The following PTPRD variants were observed in gnomAD, a reference collection of about 807,000 sequenced individuals.
PTPRD encodes receptor-type tyrosine-protein phosphatase delta.
In PTPRD, 34 loss-of-function variants were observed where a neutral mutation model predicts 214.5. The ratio of observed to expected loss-of-function variants is 0.16; its 90% confidence interval spans 0.12 to 0.21. The LOEUF (loss-of-function observed/expected upper bound fraction) is 0.21, where lower values mean the gene tolerates loss of function less well. PTPRD is among the 10% of genes least tolerant of loss of function. The pLI, the probability that PTPRD is intolerant of heterozygous loss-of-function variation, is 1.00. For missense variants in PTPRD, 2,545 were observed against 2,398.7 expected (o/e 1.06, Z -1.27); for synonymous variants, 1,128 against 845.7 (o/e 1.33, Z -5.79).
chr9:10,093,560 A>T (rs2098453662), intron 3 of PTPRD, among the ~76,000 whole-genome samples: 1 of 151,546 alleles, frequency 6.6e-6, no homozygotes, highest in South Asian at 2.1e-4. Context: ...AGAACTTAAA[A>T]GTACTTTTTG....
chr9:10,273,353 G>T (rs1372073537), intron 3 of PTPRD, among the ~76,000 whole-genome samples: 5 of 151,996 alleles, frequency 3.3e-5, no homozygotes, highest in Admixed American at 6.6e-5. Flanking sequence ...ATATTGTGAA[G>T]AATATATTTT....
intron 19 of PTPRD, among the ~76,000 whole-genome samples, chr9:8,522,938 C>T (rs932786579): frequency 9.9e-5 from 15 of 152,032 alleles, no homozygotes; most frequent in African/African-American, 3.6e-4. Context: ...CTCTTAAGGT[C>T]GAGATAAACC....
intron 10 of PTPRD, among the ~76,000 whole-genome samples, chr9:9,154,672 CGTT>C (rs1387904805): frequency 1.3e-5 from 2 of 152,142 alleles, no homozygotes; most frequent in Non-Finnish European, 2.9e-5. Flanking sequence ...ACTGATATAT[CGTT>C]GTTACTAAAG....
intron 9 of PTPRD, among the ~76,000 whole-genome samples, chr9:9,355,524 G>T (rs374388226): frequency 4.6e-5 from 7 of 151,632 alleles, no homozygotes; most frequent in African/African-American, 1.7e-4. Flanking sequence ...CTGAACACAA[G>T]GAGTTGCTAT....
chr9:8,988,344 A>G (rs994048169), intron 11 of PTPRD, among the ~76,000 whole-genome samples: 3 of 152,196 alleles, frequency 2.0e-5, no homozygotes, highest in East Asian at 1.9e-4. Flanking sequence ...ATGGAGTCCA[A>G]TTAATCTGTT....
chr9:10,147,749 A>C (rs2099033391), intron 3 of PTPRD, among the ~76,000 whole-genome samples: 1 of 152,100 alleles, frequency 6.6e-6, no homozygotes, highest in Non-Finnish European at 1.5e-5. Context: ...GCATTGCGGC[A>C]GGCTCCTGTA....
chr9:10,610,035 CG>C (rs1240431581), intron 2 of PTPRD, among the ~76,000 whole-genome samples: 2 of 152,082 alleles, frequency 1.3e-5, no homozygotes, highest in Non-Finnish European at 2.9e-5. Context: ...TGTATTTCAT[CG>C]GGCCATTATC....
chr9:8,781,021 A>C (rs1425902727), intron 11 of PTPRD, among the ~76,000 whole-genome samples: 1 of 152,226 alleles, frequency 6.6e-6, no homozygotes, highest in East Asian at 1.9e-4. Context: ...TCTTCTCTTT[A>C]GGTTTAACTG....
chr9:9,235,665 G>A (rs984709939), intron 9 of PTPRD, among the ~76,000 whole-genome samples: 13 of 152,074 alleles, frequency 8.5e-5, no homozygotes, highest in Admixed American at 7.9e-4. Flanking sequence ...GTTATTCTCA[G>A]ACAACCAACA....
intron 4 of PTPRD, among the ~76,000 whole-genome samples, chr9:10,003,804 T>C (rs2096396746): frequency 6.6e-6 from 1 of 151,782 alleles, no homozygotes; most frequent in Non-Finnish European, 1.5e-5. Flanking sequence ...GTACTATTAT[T>C]TTCCCCAATT....
chr9:8,988,713 G>T (rs2099354969), intron 11 of PTPRD, among the ~76,000 whole-genome samples: 1 of 151,924 alleles, frequency 6.6e-6, no homozygotes, highest in African/African-American at 2.4e-5. Flanking sequence ...TGTTTTATGG[G>T]AAGAATTAAA....
chr9:9,595,277 T>TTA (rs1469553977), intron 7 of PTPRD, among the ~76,000 whole-genome samples: 3 of 37,646 alleles, frequency 8.0e-5, no homozygotes, highest in African/African-American at 3.1e-4. Flanking sequence ...ATGAAAAGGA[T>TTA]TATATATATA....
chr9:10,183,920 T>C (rs1219703791), intron 3 of PTPRD, among the ~76,000 whole-genome samples: 2 of 152,148 alleles, frequency 1.3e-5, no homozygotes, highest in African/African-American at 4.8e-5. Context: ...CATAAGGAAA[T>C]AGAATCATTT....
chr9:9,950,354 G>T (rs888130785), intron 4 of PTPRD, among the ~76,000 whole-genome samples: 2 of 152,180 alleles, frequency 1.3e-5, no homozygotes, highest in African/African-American at 4.8e-5. Flanking sequence ...AAATGAGCTA[G>T]GGAAGCTGGT....
At chr9:9,761,197 T>C (rs746729195) in intron 6 of PTPRD, among the ~76,000 whole-genome samples, 4 of 152,232 alleles carry the variant, frequency 2.6e-5, no homozygotes, top group Non-Finnish European at 5.9e-5. Context: ...TACAATGGAA[T>C]GCTGATCAAA....
At chr9:9,752,612 G>A (rs2098531731) in intron 6 of PTPRD, among the ~76,000 whole-genome samples, 1 of 151,948 alleles carries the variant, frequency 6.6e-6, no homozygotes, top group Admixed American at 6.6e-5. Flanking sequence ...GAGGTTGAGG[G>A]AACTCAGATC....
At chr9:10,488,920 G>A (rs964290125) in intron 2 of PTPRD, among the ~76,000 whole-genome samples, 57 of 152,076 alleles carry the variant, frequency 3.7e-4, no homozygotes, top group African/African-American at 1.1e-3. Flanking sequence ...TAGAATCAAG[G>A]ACCCCAAGTG....
At chr9:10,176,850 GT>G (rs202093625) in intron 3 of PTPRD, among the ~76,000 whole-genome samples, 1 of 151,900 alleles carries the variant, frequency 6.6e-6, no homozygotes, top group Non-Finnish European at 1.5e-5. Context: ...TTAATGTCTA[GT>G]TTTTTTATCA....
intron 14 of PTPRD, among the ~76,000 whole-genome samples, chr9:8,553,979 G>T (rs145222393): frequency 6.6e-6 from 1 of 152,052 alleles, no homozygotes; most frequent in African/African-American, 2.4e-5. Flanking sequence ...ACGAGGTCAG[G>T]AGTTCGAGAC....
Sources: gnomAD v4.1 joint callset for allele counts (sites outside exome capture counted in the v4.1 genomes callset) on GRCh38, gnomAD v4.1.1 for gene constraint, MANE v1.5 for transcripts, NCBI Gene and HGNC (gene_info 2026-07-23, HGNC 2026-07-21) for gene names.